The following PCDHA3 variants were observed in gnomAD, a reference collection of about 807,000 sequenced individuals.
PCDHA3 encodes the protein protocadherin alpha-3.
Under a neutral mutation model 62.2 loss-of-function variants are expected in PCDHA3, and 41 were observed. That is an observed-to-expected ratio of 0.66 (90% CI 0.51 to 0.86). The LOEUF is 0.86. Ranked by LOEUF, PCDHA3 falls within the 40% of genes least tolerant of loss-of-function variation. The pLI, the probability that PCDHA3 is intolerant of heterozygous loss-of-function variation, is 0.00. For missense variants in PCDHA3, 1,304 were observed against 1,241.2 expected (o/e 1.05, Z -0.76); for synonymous variants, 640 against 555.4 (o/e 1.15, Z -2.14).
chr5:140,995,314 G>A (rs2097676013), intron 3 of PCDHA3, among the ~76,000 whole-genome samples: 1 of 152,140 alleles, frequency 6.6e-6, no homozygotes, highest in Admixed American at 6.5e-5. Context: ...CTTTCTAAGT[G>A]AACTAACAGG....
intron 1 of PCDHA3, chr5:140,857,623 G>T (rs1554150390): frequency 2.5e-6 from 4 of 1,596,656 alleles, no homozygotes; most frequent in Non-Finnish European, 8.6e-7. Flanking sequence ...TGGACCACGA[G>T]GAGCTGGAGC....
Position 140,876,739 on chromosome 5 carries a change from C to T in PCDHA3, c.2394+73148C>T, listed in dbSNP as rs782400807. The T allele has an allele frequency of 7.4e-6, 12 of 1,614,126 alleles. No homozygotes were observed. The South Asian group carries it at 1.1e-4, about 15-fold the overall frequency. ...CCGCGAGAGCGTGTCGGCCTATGAG[C>T]TGGTGGTGACTGCGCGGGATGGGGG... On this transcript the variant is annotated intron_variant, in intron 1 of 3. Coordinates refer to ENST00000522353, the MANE Select transcript of PCDHA3 (RefSeq NM_018906.3).
At chr5:140,911,663 T>G (rs2075591717) in intron 1 of PCDHA3, among the ~76,000 whole-genome samples, 1 of 152,206 alleles carries the variant, frequency 6.6e-6, no homozygotes, top group Non-Finnish European at 1.5e-5. Context: ...CTAAACTCCT[T>G]GCCTCTCACG....
Position 140,876,332 on chromosome 5 carries a change from T to C in PCDHA3, c.2394+72741T>C. On this transcript the variant is annotated intron_variant, in intron 1 of 3. Coordinates refer to ENST00000522353, the MANE Select transcript of PCDHA3 (RefSeq NM_018906.3). ...TATGGGATCAAAATGATTTTGCCAGTGAGTGAGAAATGTATGTTTTCAATA... is the reference window on the plus strand; with the variant it reads ...TATGGGATCAAAATGATTTTGCCAGCGAGTGAGAAATGTATGTTTTCAATA... 6.2e-7 allele frequency: 1 copy of C among 1,613,990 alleles called. No homozygotes were observed. Among genetic ancestry groups the C allele is most frequent in the Non-Finnish European group, 8.5e-7 (1 of 1,179,896 alleles).
At position 140,802,989 on chromosome 5, in the gene PCDHA3, G is replaced by C. The variant is rs782634798; in HGVS notation, c.1792G>C (p.Asp598His). 4 of 1,614,030 alleles carry C rather than the reference G, an allele frequency of 2.5e-6. No homozygotes were observed. In the South Asian group the frequency reaches 3.3e-5, roughly 13 times the overall value. Reference protein sequence around the residue: ...GHVVAKVRAVDADSGYNAWLS... With the variant: ...GHVVAKVRAVHADSGYNAWLS... ...CGTGGTAGCGAAGGTGCGCGCAGTG[G>C]ATGCAGACTCAGGCTACAACGCGTG... is the stretch of plus-strand genomic sequence containing the variant. Residue 598 changes from aspartate (D) to histidine (H), a missense_variant, in exon 1 of 4, where the codon GAT becomes CAT. By Grantham distance (81) the Asp-to-His change is moderately conservative. Transcript: ENST00000522353.
Position 140,979,023 on chromosome 5 carries a change from C to G in PCDHA3, c.2453+16C>G, listed in dbSNP as rs2096831948. On this transcript the variant is annotated intron_variant, in intron 2 of 3. Transcript: ENST00000522353. ...GCATGCACAGGTATGTATTTCCCTC[C>G]TCATTCACTCAGAAGTAACCTTAAC... The G allele has an allele frequency of 6.2e-7, 1 of 1,613,422 alleles. No homozygotes were observed.
chr5:141,009,649 C>G lies in PCDHA3; in HGVS notation c.2565C>G (p.Ser855=). The change falls in exon 4 of 4, where the codon TCC becomes TCG. Residue 855 remains serine, a synonymous_variant. Coordinates refer to ENST00000522353, the MANE Select transcript of PCDHA3 (RefSeq NM_018906.3). ...ATPEPEAGEV[S]PPVGAGVNSN... ...CAGAACCAGAGGCAGGAGAAGTGTC[C>G]CCTCCAGTCGGTGCGGGTGTCAACA... 1 of 1,613,646 alleles carries G rather than the reference C, an allele frequency of 6.2e-7. No homozygotes were observed. The highest frequency in any genetic ancestry group is 8.5e-7 in the Non-Finnish European group (1 of 1,179,816).
chr5:140,851,612 A>G, intron 1 of PCDHA3: 1 of 921,118 alleles, frequency 1.1e-6, no homozygotes, highest in Non-Finnish European at 1.3e-6. Context: ...GAAATTGGAG[A>G]AAATGCTTTT....
chr5:140,889,583 G>C (rs1373487919), intron 1 of PCDHA3, among the ~76,000 whole-genome samples: 1 of 151,554 alleles, frequency 6.6e-6, no homozygotes, highest in African/African-American at 2.4e-5. Context: ...TTTTGTTTTT[G>C]CTTTGAAATA....
intron 1 of PCDHA3, chr5:140,849,834 G>A: frequency 6.3e-7 from 1 of 1,598,606 alleles, no homozygotes; most frequent in Admixed American, 1.7e-5. Context: ...GGAGGTGGCC[G>A]ACGTGAACGA....
intron 1 of PCDHA3, chr5:140,807,047 C>A: frequency 9.8e-7 from 1 of 1,020,448 alleles, no homozygotes; most frequent in Non-Finnish European, 1.4e-6. Context: ...AAAATTCCTT[C>A]TATTCTTACT....
At chr5:140,872,769 T>C (rs1463790803) in intron 1 of PCDHA3, among the ~76,000 whole-genome samples, 2 of 152,184 alleles carry the variant, frequency 1.3e-5, no homozygotes, top group African/African-American at 2.4e-5. Flanking sequence ...TAGGGCTATA[T>C]TATCTATAAT....
In PCDHA3 at chr5:140,839,587, A is replaced by C. The variant is rs192015697; in HGVS notation, c.2394+35996A>C. ...GTATTTTTTGTAGAGATGGGGTCTT[A>C]CCATGTTGCCCAGGCTGGTCTCAAA... On this transcript the variant is annotated intron_variant, in intron 1 of 3. Coordinates refer to ENST00000522353, the MANE Select transcript of PCDHA3 (RefSeq NM_018906.3). Among the ~76,000 whole-genome samples, 93 of 152,088 alleles carry C rather than the reference A, an allele frequency of 6.1e-4. 1 individual carries two copies. The highest frequency in any genetic ancestry group is 2.0e-3 in the African/African-American group (82 of 41,446).
chr5:140,927,417 G>T (rs74597681), intron 1 of PCDHA3: 1 of 1,614,100 alleles, frequency 6.2e-7, no homozygotes, highest in Non-Finnish European at 8.5e-7. Flanking sequence ...ACATGGGATC[G>T]CGGGTTGACG....
intron 1 of PCDHA3, chr5:140,883,195 T>A (rs781816525): frequency 6.2e-7 from 1 of 1,613,786 alleles, no homozygotes; most frequent in Non-Finnish European, 8.5e-7. Context: ...GCAAACTAGA[T>A]TTCGAAGAAA....
At chr5:140,850,678 C>T in intron 1 of PCDHA3, 1 of 1,598,606 alleles carries the variant, frequency 6.3e-7, no homozygotes, top group Non-Finnish European at 8.6e-7. Flanking sequence ...GCGATGCCCA[C>T]CGAGGGCGAG....
chr5:140,970,751 T>G (rs2096430046), intron 1 of PCDHA3, among the ~76,000 whole-genome samples: 1 of 152,232 alleles, frequency 6.6e-6, no homozygotes, highest in African/African-American at 2.4e-5. Flanking sequence ...GCAATATATT[T>G]TCATTGACAT....
chr5:140,808,628 G>C (rs782443934), intron 1 of PCDHA3: 1 of 1,613,622 alleles, frequency 6.2e-7, no homozygotes. Flanking sequence ...GTCTGCGTGG[G>C]ACGCGGACGC....
chr5:140,809,133 T>C, intron 1 of PCDHA3: 1 of 1,613,976 alleles, frequency 6.2e-7, no homozygotes, highest in Non-Finnish European at 8.5e-7. Flanking sequence ...CGCCTACTGG[T>C]ACTGGTGAAG....
Sources: allele counts gnomAD v4.1 joint callset (sites outside exome capture counted in the v4.1 genomes callset), GRCh38; gene constraint gnomAD v4.1.1; transcripts MANE v1.5; gene names NCBI Gene and HGNC (gene_info 2026-07-23, HGNC 2026-07-21).